CCDC7: variants seen among roughly 807,000 people sequenced by gnomAD.
CCDC7 encodes the protein coiled-coil domain-containing protein 7.
A neutral mutation model predicts 196.9 loss-of-function variants in CCDC7; 183 were observed. The ratio of observed to expected loss-of-function variants is 0.93; its 90% CI spans 0.82 to 1.05. The LOEUF (loss-of-function observed/expected upper bound fraction) is 1.05, where lower values mean the gene tolerates loss of function less well. Among genes scored for constraint, CCDC7 ranks in the 50% least tolerant of loss-of-function variants. The pLI is 0.00. For missense variants in CCDC7, 1,540 were observed against 1,482.2 expected (o/e 1.04, Z -0.64); for synonymous variants, 525 against 484.6 (o/e 1.08, Z -1.10).
chr10:32,742,871 C>A (rs2086111951), intron 28 of CCDC7, among the ~76,000 whole-genome samples: 1 of 152,200 alleles, frequency 6.6e-6, no homozygotes, highest in Non-Finnish European at 1.5e-5. Flanking sequence ...TGTCCAAATA[C>A]AGTCACATTA....
At chr10:32,876,469 A>C, downstream of CCDC7, 1 of 1,396,472 alleles carries the variant, frequency 7.2e-7, no homozygotes, top group Non-Finnish European at 1.0e-6. Flanking sequence ...CAAGTATAGA[A>C]GCCTTTTGAA....
chr10:32,710,476 C>T (rs1161070082), intron 24 of CCDC7, among the ~76,000 whole-genome samples: 1 of 152,214 alleles, frequency 6.6e-6, no homozygotes, highest in Non-Finnish European at 1.5e-5. Context: ...TGTTGGATCT[C>T]TAATTTGCCC....
intron 24 of CCDC7, among the ~76,000 whole-genome samples, chr10:32,698,072 G>A (rs1208054625): frequency 1.3e-5 from 2 of 152,176 alleles, no homozygotes; most frequent in Non-Finnish European, 2.9e-5. Context: ...AGGGTCTGGA[G>A]TGGACCTCCA....
At chr10:32,681,544 G>T (rs747359955) in intron 21 of CCDC7, among the ~76,000 whole-genome samples, 2 of 152,102 alleles carry the variant, frequency 1.3e-5, no homozygotes, top group African/African-American at 4.8e-5. Context: ...TGGCCAAGGG[G>T]AGAGGAGTTG....
chr10:32,751,064 C>A (rs1410351185), intron 28 of CCDC7, among the ~76,000 whole-genome samples: 1 of 152,156 alleles, frequency 6.6e-6, no homozygotes, highest in Non-Finnish European at 1.5e-5. Context: ...ATTATAGCTA[C>A]CTTCCTCCAT....
intron 18 of CCDC7, among the ~76,000 whole-genome samples, chr10:32,605,227 G>A (rs73255497): frequency 0.013 from 1,928 of 152,212 alleles, 48 homozygotes; most frequent in African/African-American, 0.045. Flanking sequence ...GATGCCCAGT[G>A]CCATGCTTCC....
intron 18 of CCDC7, among the ~76,000 whole-genome samples, chr10:32,620,801 C>A (rs548186232): frequency 7.9e-5 from 12 of 152,222 alleles, no homozygotes; most frequent in Non-Finnish European, 1.6e-4. Flanking sequence ...TATGATATAG[C>A]TGGAGAGGTC....
intron 41 of CCDC7, among the ~76,000 whole-genome samples, chr10:32,868,197 T>A (rs886547716): frequency 7.9e-5 from 12 of 152,132 alleles, no homozygotes; most frequent in Admixed American, 2.0e-4. Flanking sequence ...CTCTACCTTT[T>A]GGCTATTTTG....
At chr10:32,633,567 T>C (rs1482985952) in intron 18 of CCDC7, among the ~76,000 whole-genome samples, 1 of 152,154 alleles carries the variant, frequency 6.6e-6, no homozygotes, top group Non-Finnish European at 1.5e-5. Context: ...TGAGAATATT[T>C]GTCAAATTTT....
chr10:32,597,564 G>T (rs941282566), intron 18 of CCDC7, among the ~76,000 whole-genome samples: 3 of 152,212 alleles, frequency 2.0e-5, no homozygotes, highest in African/African-American at 7.2e-5. Flanking sequence ...TCGGTTGCTG[G>T]TGAGGAGCTC....
chr10:32,853,425 T>C (rs2093638429), intron 40 of CCDC7, among the ~76,000 whole-genome samples: 1 of 152,204 alleles, frequency 6.6e-6, no homozygotes, highest in Non-Finnish European at 1.5e-5. Flanking sequence ...GATATACATT[T>C]TTCAAGCAAA....
intron 18 of CCDC7, among the ~76,000 whole-genome samples, chr10:32,630,589 C>T (rs182652345): frequency 1.7e-3 from 265 of 152,204 alleles, no homozygotes; most frequent in Middle Eastern, 0.014. Flanking sequence ...CAGCACTCCA[C>T]TTATAGCATT....
chr10:32,455,900 G>T (rs2034226161), intron 2 of CCDC7, among the ~76,000 whole-genome samples: 1 of 151,606 alleles, frequency 6.6e-6, no homozygotes, highest in Non-Finnish European at 1.5e-5. Flanking sequence ...AACACCAAGA[G>T]ATTTTTTTTT....
At chr10:32,450,474 GC>G (rs1440889117), upstream of CCDC7, among the ~76,000 whole-genome samples, 1 of 152,142 alleles carries the variant, frequency 6.6e-6, no homozygotes, top group Non-Finnish European at 1.5e-5. Context: ...AATGGGACAA[GC>G]CAAAGTGTAG....
chr10:32,488,621 T>G (rs2134385661), intron 8 of CCDC7, among the ~76,000 whole-genome samples: 1 of 152,306 alleles, frequency 6.6e-6, no homozygotes, highest in East Asian at 1.9e-4. Context: ...TTGGCCATCT[T>G]GGCTCCAACC....
chr10:32,864,129 T>C (rs1371047803), intron 41 of CCDC7, among the ~76,000 whole-genome samples: 1 of 151,816 alleles, frequency 6.6e-6, no homozygotes, highest in Non-Finnish European at 1.5e-5. Context: ...GACGTTTCTC[T>C]GAAGAAGACA....
intron 21 of CCDC7, among the ~76,000 whole-genome samples, chr10:32,666,800 A>G (rs1315443860): frequency 1.3e-5 from 2 of 152,058 alleles, no homozygotes; most frequent in Non-Finnish European, 2.9e-5. Context: ...GTTGGTTCCA[A>G]GTCTTTGCTA....
chr10:32,712,719 C>G (rs1025584673), intron 25 of CCDC7, among the ~76,000 whole-genome samples: 3 of 152,202 alleles, frequency 2.0e-5, no homozygotes, highest in Admixed American at 6.5e-5. Flanking sequence ...GCTGAAAGGA[C>G]ATTTGCTATG....
chr10:32,699,076 T>G (rs953885314), intron 24 of CCDC7, among the ~76,000 whole-genome samples: 1 of 152,110 alleles, frequency 6.6e-6, no homozygotes, highest in Admixed American at 6.5e-5. Flanking sequence ...TATTTTACTT[T>G]AAGTTTTAGG....
Sources: allele counts gnomAD v4.1 joint callset (sites outside exome capture counted in the v4.1 genomes callset), GRCh38; gene constraint gnomAD v4.1.1; transcripts MANE v1.5; gene names NCBI Gene and HGNC (gene_info 2026-07-23, HGNC 2026-07-21).